The following NDUFAF2 variants were observed in gnomAD, a reference collection of about 807,000 sequenced individuals.
NDUFAF2 encodes the protein NADH:ubiquinone oxidoreductase complex assembly factor 2.
NDUFAF2 carries 13 observed loss-of-function variants against 22.8 expected under a neutral mutation model. The observed-to-expected ratio is 0.57, with a 90% confidence interval of 0.37 to 0.91. The LOEUF (loss-of-function observed/expected upper bound fraction) is 0.91. Ranked by LOEUF, NDUFAF2 falls within the 40% of genes least tolerant of loss-of-function variation. The pLI, the probability that NDUFAF2 is intolerant of heterozygous loss-of-function variation, is 0.01. For synonymous variants in NDUFAF2, 53 were observed against 64.2 expected, an observed-to-expected ratio of 0.83 and a Z score of 0.84; for missense variants, 162 against 195.2, an observed-to-expected ratio of 0.83 and a Z score of 1.01.
chr5:60,963,644 T>G (rs1166886186), intron 1 of NDUFAF2, among the ~76,000 whole-genome samples: 1 of 152,204 alleles, frequency 6.6e-6, no homozygotes, highest in Non-Finnish European at 1.5e-5. Flanking sequence ...TCTAGGCATT[T>G]GAGATACTAT....
intron 2 of NDUFAF2, among the ~76,000 whole-genome samples, chr5:61,091,118 T>C (rs998854134): frequency 6.6e-6 from 1 of 152,212 alleles, no homozygotes; most frequent in Non-Finnish European, 1.5e-5. Flanking sequence ...TCCATGTCTT[T>C]GCTATTGTGA....
intron 1 of NDUFAF2, among the ~76,000 whole-genome samples, chr5:60,982,049 T>A (rs79718639): frequency 0.024 from 3,655 of 152,062 alleles, 63 homozygotes; most frequent in Non-Finnish European, 0.037. Flanking sequence ...GGCAAAAATT[T>A]CCCCACAAGC....
chr5:61,073,638 G>A (rs1269242796), intron 2 of NDUFAF2, among the ~76,000 whole-genome samples: 2 of 152,152 alleles, frequency 1.3e-5, no homozygotes, highest in Non-Finnish European at 2.9e-5. Flanking sequence ...AATACTTGCT[G>A]TAGATACCAT....
intron 1 of NDUFAF2, among the ~76,000 whole-genome samples, chr5:61,069,792 T>C (rs1029624653): frequency 1.3e-5 from 2 of 152,132 alleles, no homozygotes; most frequent in East Asian, 1.9e-4. Context: ...TTCCTTCCTT[T>C]CTTTCTTTTT....
At position 60,945,214 on chromosome 5, in the gene NDUFAF2, G is replaced by A. The variant is rs1750411134; in HGVS notation, c.-42G>A. On this transcript the variant is annotated 5_prime_UTR_variant, in exon 1 of 4. Coordinates refer to ENST00000296597, the MANE Select transcript of NDUFAF2 (RefSeq NM_174889.5). ...CGGCGGCTGGAGCATTACCCCTACT[G>A]CGGGTCCCGCTGCTGGCAGCGCTGG... The A allele has an allele frequency of 6.2e-7, 1 of 1,606,560 alleles. No homozygotes were observed. Among genetic ancestry groups the A allele is most frequent in the East Asian group, 2.2e-5 (1 of 44,586 alleles).
At chr5:61,018,033 T>C (rs930482096) in intron 1 of NDUFAF2, among the ~76,000 whole-genome samples, 13 of 152,202 alleles carry the variant, frequency 8.5e-5, no homozygotes, top group Non-Finnish European at 1.5e-4. Context: ...ATTACAGGCG[T>C]GAGCCACTGC....
chr5:61,031,010 C>G (rs1751716052), intron 1 of NDUFAF2, among the ~76,000 whole-genome samples: 1 of 152,114 alleles, frequency 6.6e-6, no homozygotes, highest in South Asian at 2.1e-4. Flanking sequence ...ACCAGCATCT[C>G]TTCTGGTTAG....
rs1751433755 is a variant in NDUFAF2, at chr5:61,010,799, G to A, written c.128-62326G>A. On this transcript the variant is annotated intron_variant, in intron 1 of 3. Coordinates refer to ENST00000296597, the MANE Select transcript of NDUFAF2 (RefSeq NM_174889.5). ...CATTCGCTCTTTTCTGTTACAGCTA[G>A]GTTGGCTTTAGTATTAAATTTTGGG... 3.9e-5 allele frequency among the ~76,000 whole-genome samples: 6 copies of A among 152,084 alleles called. No homozygotes were observed. In the South Asian group the frequency reaches 1.2e-3, roughly 32 times the overall value.
At chr5:60,982,352 A>G (rs1385451637) in intron 1 of NDUFAF2, among the ~76,000 whole-genome samples, 1 of 152,114 alleles carries the variant, frequency 6.6e-6, no homozygotes, top group Non-Finnish European at 1.5e-5. Flanking sequence ...CAGCAGGCAA[A>G]AAAGAGAGAG....
intron 3 of NDUFAF2, among the ~76,000 whole-genome samples, chr5:61,105,755 C>T (rs1027184752): frequency 2.0e-5 from 3 of 151,216 alleles, no homozygotes; most frequent in African/African-American, 7.4e-5. Flanking sequence ...AGTTCACTCT[C>T]AAGTCTAATG....
intron 1 of NDUFAF2, among the ~76,000 whole-genome samples, chr5:61,037,656 A>G (rs543447305): frequency 6.6e-6 from 1 of 152,246 alleles, no homozygotes; most frequent in East Asian, 1.9e-4. Context: ...CACTTTTTCC[A>G]TTTATCTATA....
intron 3 of NDUFAF2, among the ~76,000 whole-genome samples, chr5:61,129,062 C>A (rs561918123): frequency 9.2e-5 from 14 of 152,118 alleles, no homozygotes; most frequent in Non-Finnish European, 7.4e-5. Flanking sequence ...TCATCACTGG[C>A]CATCAGAGAA....
intron 3 of NDUFAF2, among the ~76,000 whole-genome samples, chr5:61,135,564 A>G (rs1740913271): frequency 6.6e-6 from 1 of 152,166 alleles, no homozygotes; most frequent in African/African-American, 2.4e-5. Context: ...AGAATCACCT[A>G]GTAACTTGTT....
At chr5:61,149,122 C>T (rs1328292187) in intron 3 of NDUFAF2, among the ~76,000 whole-genome samples, 1 of 152,108 alleles carries the variant, frequency 6.6e-6, no homozygotes, top group Non-Finnish European at 1.5e-5. Flanking sequence ...AGGAGTACAC[C>T]ACCACACCTG....
intron 1 of NDUFAF2, among the ~76,000 whole-genome samples, chr5:61,033,237 C>G (rs1437941294): frequency 6.6e-6 from 1 of 151,842 alleles, no homozygotes; most frequent in African/African-American, 2.4e-5. Flanking sequence ...TGCTTGTGAT[C>G]AAATCACTAT....
Position 60,945,495 on chromosome 5 carries a change from A to T in NDUFAF2, c.127+113A>T, listed in dbSNP as rs564326628. The T allele has an allele frequency of 1.5e-4, 224 of 1,458,738 alleles. 1 individual carries two copies. The African/African-American group carries it at 2.8e-3, about 18-fold the overall frequency. 90.4% of individuals were successfully genotyped at this position (1,458,738 alleles called of 1,614,324 possible). A position where few individuals can be genotyped will look rare whatever the true frequency, so the allele number is the denominator to read the frequency against. ...CGCATCATGCGACACTTAGGGTGTC[A>T]CCGGAGAGAATTTCCCGAGTTCGTT... On this transcript the variant is annotated intron_variant, in intron 1 of 3. Coordinates refer to ENST00000296597, the MANE Select transcript of NDUFAF2 (RefSeq NM_174889.5).
chr5:61,136,839 C>T (rs555837917), intron 3 of NDUFAF2, among the ~76,000 whole-genome samples: 1 of 152,176 alleles, frequency 6.6e-6, no homozygotes, highest in Non-Finnish European at 1.5e-5. Flanking sequence ...TATTTATCCA[C>T]CAATTTCTCA....
At chr5:61,118,050 T>C (rs940558546) in intron 3 of NDUFAF2, among the ~76,000 whole-genome samples, 2 of 152,184 alleles carry the variant, frequency 1.3e-5, no homozygotes, top group Non-Finnish European at 1.5e-5. Context: ...TCTCTTTCTA[T>C]ATGGAGTCCT....
At chr5:61,147,335 A>T (rs1741153705) in intron 3 of NDUFAF2, among the ~76,000 whole-genome samples, 1 of 149,856 alleles carries the variant, frequency 6.7e-6, no homozygotes, top group African/African-American at 2.5e-5. Flanking sequence ...TGCAGCTTTG[A>T]CCTCCTGGGC....
Sources: gnomAD v4.1 joint callset for allele counts (sites outside exome capture counted in the v4.1 genomes callset) on GRCh38, gnomAD v4.1.1 for gene constraint, MANE v1.5 for transcripts, NCBI Gene and HGNC (gene_info 2026-07-23, HGNC 2026-07-21) for gene names.